WAC: variants seen among roughly 807,000 people sequenced by gnomAD.
WAC encodes WW domain-containing adapter protein with coiled-coil.
A neutral mutation model predicts 79.6 loss-of-function variants in WAC; 11 were observed. That is an observed-to-expected ratio of 0.14 (90% confidence interval 0.09 to 0.23). The LOEUF is 0.23. Ranked by LOEUF, WAC falls within the 10% of genes least tolerant of loss-of-function variation. The pLI, the probability that WAC is intolerant of heterozygous loss-of-function variation, is 1.00. For missense variants in WAC, 728 were observed against 773.5 expected, an observed-to-expected ratio of 0.94 and a Z score of 0.70; for synonymous variants, 304 against 276.9, an observed-to-expected ratio of 1.10 and a Z score of -0.97.
chr10:28,589,698 T>G (rs1839994233), intron 4 of WAC, 38 bp from the exon 5 acceptor site: 1 of 1,331,090 alleles, frequency 7.5e-7, no homozygotes. Flanking sequence ...GATTAAATAG[T>G]ATTAACATTT....
chr10:28,611,574 C>G, intron 9 of WAC, 200 bp from the exon 10 acceptor site: 13 of 1,272,376 alleles, frequency 1.0e-5, no homozygotes, highest in Non-Finnish European at 1.4e-5. Flanking sequence ...GTGCTTACCT[C>G]TGAACACACA....
chr10:28,608,604 T>G (rs1841075166), intron 8 of WAC, 173 bp downstream of exon 8: 1 of 660,578 alleles, frequency 1.5e-6, no homozygotes, highest in Admixed American at 3.2e-5. Context: ...CCACTGTAGT[T>G]TAAGACCATT....
chr10:28,550,662 CTT>C (rs927845230), intron 3 of WAC, among the ~76,000 whole-genome samples: 4 of 152,132 alleles, frequency 2.6e-5, no homozygotes, highest in Admixed American at 2.0e-4. Flanking sequence ...GTCCCTCAAA[CTT>C]TTAAGTGCAT....
intron 3 of WAC, 176 bp downstream of exon 3, chr10:28,535,933 T>C: frequency 1.7e-6 from 1 of 577,594 alleles, no homozygotes; most frequent in Non-Finnish European, 2.8e-6. Flanking sequence ...AAGATGCTGA[T>C]GTGAGCATCT....
intron 3 of WAC, among the ~76,000 whole-genome samples, chr10:28,547,734 C>T (rs1642794947): frequency 6.6e-6 from 1 of 151,890 alleles, no homozygotes; most frequent in South Asian, 2.1e-4. Context: ...GATAGATACC[C>T]ATTGGGATGT....
chr10:28,586,332 G>A (rs1839820270), intron 4 of WAC, among the ~76,000 whole-genome samples: 1 of 152,080 alleles, frequency 6.6e-6, no homozygotes, highest in South Asian at 2.1e-4. Flanking sequence ...CGCAGAGCCT[G>A]GCTTATGGTA....
chr10:28,556,848 G>A (rs1181415328), intron 3 of WAC, among the ~76,000 whole-genome samples: 1 of 152,038 alleles, frequency 6.6e-6, no homozygotes, highest in Non-Finnish European at 1.5e-5. Context: ...GTGTATTGTT[G>A]TCAAAGCTTA....
chr10:28,561,592 T>C (rs971670957), intron 3 of WAC, among the ~76,000 whole-genome samples: 1 of 152,152 alleles, frequency 6.6e-6, no homozygotes, highest in African/African-American at 2.4e-5. Context: ...ATGGAACTTT[T>C]AAGTTTTTTC....
chr10:28,546,177 C>G (rs544640334), intron 3 of WAC, among the ~76,000 whole-genome samples: 1 of 152,296 alleles, frequency 6.6e-6, no homozygotes, highest in South Asian at 2.1e-4. Context: ...TTGGCGTCTT[C>G]CTAAAGGTTC....
intron 6 of WAC, among the ~76,000 whole-genome samples, chr10:28,594,603 A>G (rs971380255): frequency 6.6e-6 from 1 of 152,074 alleles, no homozygotes; most frequent in Non-Finnish European, 1.5e-5. Flanking sequence ...GTTGTGGTGT[A>G]CCATGTAGTG....
intron 10 of WAC, among the ~76,000 whole-genome samples, chr10:28,612,495 C>T (rs973347211): frequency 6.6e-6 from 1 of 152,194 alleles, no homozygotes; most frequent in African/African-American, 2.4e-5. Context: ...ACATGGTTGG[C>T]TCCATAGGTG....
chr10:28,555,236 A>G (rs1837916041), intron 3 of WAC, among the ~76,000 whole-genome samples: 1 of 152,048 alleles, frequency 6.6e-6, no homozygotes, highest in Non-Finnish European at 1.5e-5. Context: ...TGTCCTTGCA[A>G]GTGGCTCATG....
rs771422475 is a variant in WAC at position 28,535,547 on chromosome 10, G to A, written c.79-15G>A. 1.3e-6 allele frequency: 2 copies of A among 1,529,906 alleles called. No individual in the cohort carries two copies. The highest frequency in any genetic ancestry group is 1.8e-6 in the Non-Finnish European group (2 of 1,133,726). 94.8% of individuals were successfully genotyped at this position (1,529,906 alleles called of 1,614,324 possible). On this transcript the variant is annotated splice_polypyrimidine_tract_variant and intron_variant, in intron 2 of 13. Transcript: ENST00000354911. Reference sequence around the variant, plus strand: ...AATTCTTTCTCTCTTTTTTTGGGGGGGTGATGTTTTACAGGCACTTAAGTA... The same window carrying A: ...AATTCTTTCTCTCTTTTTTTGGGGGAGTGATGTTTTACAGGCACTTAAGTA...
intron 3 of WAC, among the ~76,000 whole-genome samples, chr10:28,560,663 G>T (rs1225974895): frequency 6.6e-6 from 1 of 152,134 alleles, no homozygotes; most frequent in Non-Finnish European, 1.5e-5. Context: ...TAAAGAAATT[G>T]AGTAAAGACC....
At chr10:28,614,382 C>T (rs549005471) in intron 10 of WAC, among the ~76,000 whole-genome samples, 185 bp from the exon 11 acceptor site, 62 of 152,308 alleles carry the variant, frequency 4.1e-4, no homozygotes, top group African/African-American at 1.3e-3. Flanking sequence ...CGTGAGCCAC[C>T]GCGCCCAGCC....
chr10:28,554,594 C>G (rs4271290), intron 3 of WAC, among the ~76,000 whole-genome samples: 2 of 151,980 alleles, frequency 1.3e-5, no homozygotes, highest in Non-Finnish European at 2.9e-5. Context: ...TTGTTTCTTG[C>G]TCTAAGAGTC....
chr10:28,616,432 A>T, intron 12 of WAC, 70 bp downstream of exon 12: 1 of 1,238,618 alleles, frequency 8.1e-7, no homozygotes, highest in Non-Finnish European at 1.1e-6. Context: ...ACTTCTAGAG[A>T]ATCTAATGTG....
chr10:28,549,737 A>G (rs974416531), intron 3 of WAC, among the ~76,000 whole-genome samples: 2 of 152,190 alleles, frequency 1.3e-5, no homozygotes, highest in African/African-American at 4.8e-5. Context: ...CCGCTTCCAC[A>G]TATACTTATC....
At chr10:28,586,055 C>T (rs1424014050) in intron 4 of WAC, among the ~76,000 whole-genome samples, 1 of 152,132 alleles carries the variant, frequency 6.6e-6, no homozygotes, top group Non-Finnish European at 1.5e-5. Context: ...CCTGTAGGTG[C>T]ATAAGTAGTG....
Sources: allele counts gnomAD v4.1 joint callset (sites outside exome capture counted in the v4.1 genomes callset), GRCh38; gene constraint gnomAD v4.1.1; transcripts MANE v1.5; gene names NCBI Gene and HGNC (gene_info 2026-07-23, HGNC 2026-07-21).